Variants in NR2F1-AS1 observed in about 807,000 individuals in gnomAD.
NR2F1-AS1 encodes NR2F1 antisense RNA 1.
chr5:93,563,962 C>T (rs942380298), intron 1 of NR2F1-AS1, among the ~76,000 whole-genome samples: 7 of 151,436 alleles, frequency 4.6e-5, no homozygotes, highest in African/African-American at 7.3e-5. Flanking sequence ...ATTAGCCTGG[C>T]GTAGTGGCTG....
chr5:93,473,685 A>AAC (rs138931417), intron 4 of NR2F1-AS1, among the ~76,000 whole-genome samples: 25 of 150,424 alleles, frequency 1.7e-4, no homozygotes, highest in African/African-American at 5.3e-4. Context: ...CTAAAGACCA[A>AAC]ACACACACAC....
In NR2F1-AS1 at chr5:93,558,319, CTT is replaced by C. The variant is rs776183434; in HGVS notation, n.414-3326_414-3325del. ...AGCTATAGCCTTATAAAATGTATTT[CTT>C]TTTTTTTTTTTTTTTCTGAGATGGA... On this transcript the variant is annotated intron_variant and non_coding_transcript_variant, in intron 2 of 5. Coordinates refer to ENST00000660523, the Ensembl canonical transcript of NR2F1-AS1. Among the ~76,000 whole-genome samples the C allele has an allele frequency of 2.6e-3, 362 of 138,946 alleles. 2 individuals carry two copies. The highest frequency in any genetic ancestry group is 8.8e-3 in the African/African-American group (338 of 38,460). The allele number at this position is 138,946 out of a possible 152,430, so 91.2% of individuals were successfully genotyped here.
intron 4 of NR2F1-AS1, among the ~76,000 whole-genome samples, chr5:93,479,745 G>A (rs2149874451): frequency 6.6e-6 from 1 of 152,244 alleles, no homozygotes; most frequent in African/African-American, 2.4e-5. Context: ...CTGGCTTAAA[G>A]ATGCTCAAAG....
intron 4 of NR2F1-AS1, among the ~76,000 whole-genome samples, chr5:93,549,127 G>C (rs1752164964): frequency 6.6e-6 from 1 of 151,938 alleles, no homozygotes; most frequent in Non-Finnish European, 1.5e-5. Context: ...ATAGTGTTAG[G>C]GGATTGAAAA....
intron 4 of NR2F1-AS1, chr5:93,438,749 G>T (rs1016817027): frequency 3.3e-5 from 5 of 152,178 alleles, no homozygotes; most frequent in African/African-American, 1.2e-4. Flanking sequence ...CACCTGAGGG[G>T]GAAAGGAGGT....
chr5:93,503,996 C>T (rs1397550631), intron 4 of NR2F1-AS1, among the ~76,000 whole-genome samples: 1 of 152,108 alleles, frequency 6.6e-6, no homozygotes, highest in Non-Finnish European at 1.5e-5. Flanking sequence ...CAGTGGGAAA[C>T]TTTGCAGACT....
chr5:93,442,142 G>A lies in NR2F1-AS1; in HGVS notation n.639-46600C>T, dbSNP rs559215044. On this transcript the variant is annotated intron_variant and non_coding_transcript_variant, in intron 4 of 5. Coordinates refer to ENST00000660523, the Ensembl canonical transcript of NR2F1-AS1. ...CCCAGCGTGAGCAACACAAAAGATG[G>A]GTGACTTCTGCATTTCCAACTGAGG... Among the ~76,000 whole-genome samples, 9 of 152,314 alleles carry A rather than the reference G, an allele frequency of 5.9e-5. No homozygotes were observed. In the East Asian group the frequency reaches 1.7e-3, roughly 29 times the overall value.
chr5:93,514,336 T>C (rs181850514), intron 4 of NR2F1-AS1, among the ~76,000 whole-genome samples: 45 of 152,202 alleles, frequency 3.0e-4, no homozygotes, highest in Non-Finnish European at 5.9e-4. Context: ...GAAACATGAA[T>C]ATAAGCTACA....
chr5:93,488,365 A>G (rs1750769790), intron 4 of NR2F1-AS1, among the ~76,000 whole-genome samples: 1 of 152,214 alleles, frequency 6.6e-6, no homozygotes, highest in Admixed American at 6.5e-5. Context: ...AATATCCAGA[A>G]TCTACAAGGA....
chr5:93,555,522 A>T (rs2149915387), intron 2 of NR2F1-AS1, among the ~76,000 whole-genome samples: 2 of 152,350 alleles, frequency 1.3e-5, no homozygotes, highest in Middle Eastern at 3.4e-3. Context: ...ATATGCTAAA[A>T]AGCTGAACCT....
chr5:93,524,179 A>C (rs1751563139), intron 4 of NR2F1-AS1, among the ~76,000 whole-genome samples: 2 of 152,150 alleles, frequency 1.3e-5, no homozygotes, highest in East Asian at 1.9e-4. Flanking sequence ...GATGGAGCTC[A>C]AAAACACAGC....
chr5:93,534,603 C>T (rs1249190594), intron 4 of NR2F1-AS1, among the ~76,000 whole-genome samples: 2 of 152,108 alleles, frequency 1.3e-5, no homozygotes, highest in Admixed American at 1.3e-4. Context: ...ATTTTCCTTA[C>T]TTAGTGTCCA....
At chr5:93,559,588 C>T (rs1752440740) in intron 2 of NR2F1-AS1, among the ~76,000 whole-genome samples, 1 of 152,198 alleles carries the variant, frequency 6.6e-6, no homozygotes. Flanking sequence ...TCATTTCTAG[C>T]TTTTGACTTA....
chr5:93,482,520 C>T (rs774584667), intron 4 of NR2F1-AS1, among the ~76,000 whole-genome samples: 32 of 151,992 alleles, frequency 2.1e-4, no homozygotes, highest in Non-Finnish European at 3.8e-4. Context: ...CAAAACTGGG[C>T]GGCCATTTGG....
At chr5:93,583,440 CTT>C (rs1753163870), upstream of NR2F1-AS1, 1 of 151,322 alleles carries the variant, frequency 6.6e-6, no homozygotes, top group Non-Finnish European at 1.5e-5. Flanking sequence ...TTGTTTTCCC[CTT>C]CTTCTTCTCC....
chr5:93,517,343 C>T (rs1187748691), intron 4 of NR2F1-AS1, among the ~76,000 whole-genome samples: 1 of 152,016 alleles, frequency 6.6e-6, no homozygotes, highest in Non-Finnish European at 1.5e-5. Context: ...CTTTCTCCAG[C>T]TGATAAGACT....
At chr5:93,482,130 T>C (rs1305180321) in intron 4 of NR2F1-AS1, among the ~76,000 whole-genome samples, 1 of 151,830 alleles carries the variant, frequency 6.6e-6, no homozygotes, top group East Asian at 1.9e-4. Flanking sequence ...TTGATAAAAA[T>C]CAACTGTAGA....
chr5:93,474,915 G>A (rs182407764), intron 4 of NR2F1-AS1, among the ~76,000 whole-genome samples: 1 of 152,256 alleles, frequency 6.6e-6, no homozygotes, highest in African/African-American at 2.4e-5. Context: ...CACAAGGTCA[G>A]GAGATCGAGA....
At chr5:93,500,196 T>TA (rs1230220879) in intron 4 of NR2F1-AS1, among the ~76,000 whole-genome samples, 1 of 152,228 alleles carries the variant, frequency 6.6e-6, no homozygotes, top group Non-Finnish European at 1.5e-5. Flanking sequence ...AGATGACACC[T>TA]AGGCTTTCAC....
Sources: allele counts gnomAD v4.1 joint callset (sites outside exome capture counted in the v4.1 genomes callset), GRCh38; gene constraint gnomAD v4.1.1; transcripts MANE v1.5; gene names NCBI Gene and HGNC (gene_info 2026-07-23, HGNC 2026-07-21).